TLE2: variants seen among roughly 807,000 people sequenced by gnomAD.
TLE2 encodes transducin-like enhancer protein 2.
In TLE2, 74 loss-of-function variants were observed where a neutral mutation model predicts 97.2. That is an observed-to-expected ratio of 0.76 (90% CI 0.63 to 0.92). The LOEUF is 0.92. TLE2 is among the 40% of genes least tolerant of loss of function. The probability of loss-of-function intolerance (pLI) is 0.00; values close to 1 mark genes in which losing one functional copy is unlikely to be tolerated. For synonymous variants in TLE2, 499 were observed against 432.1 expected (o/e 1.15, Z -1.92); for missense variants, 1,038 against 1,008.7 (o/e 1.03, Z -0.39).
intron 12 of TLE2, 107 bp downstream of exon 12, chr19:3,010,915 G>T: frequency 1.4e-6 from 2 of 1,440,490 alleles, no homozygotes; most frequent in Non-Finnish European, 1.9e-6. Context: ...CCAAGGCAAT[G>T]AACACCAAGC....
In TLE2 at chr19:3,006,609, A is replaced by C. The variant is rs965679808; in HGVS notation, c.1311T>G (p.Asp437Glu). ...GQMQPVPFPS[D>E]ALVGAGIPRH... ...GCGGGATGCCCGCGCCTACCAGTGC[A>C]TCCGAGGGGAAGGGAACCGGCTGCA... The change falls in exon 15 of 20, where the codon GAT becomes GAG. Residue 437 changes from aspartate (D) to glutamate (E), a missense_variant. Coordinates refer to ENST00000262953, the MANE Select transcript of TLE2 (RefSeq NM_003260.5). 7 of 1,610,520 alleles carry C rather than the reference A, an allele frequency of 4.3e-6. No individual in the cohort carries two copies. In the African/African-American group the frequency reaches 5.3e-5, roughly 12 times the overall value.
intron 1 of TLE2, among the ~76,000 whole-genome samples, chr19:3,042,409 GGGGGCCT>G: frequency 1.4e-5 from 1 of 70,426 alleles, no homozygotes; most frequent in African/African-American, 9.1e-5. Context: ...GGAGGGGTAA[GGGGGCCT>G]GGGAGGACGG....
chr19:2,998,016 G>A, intron 19 of TLE2, 61 bp from the exon 20 acceptor site: 4 of 1,273,440 alleles, frequency 3.1e-6, no homozygotes, highest in Non-Finnish European at 4.5e-6. Flanking sequence ...AGATGGGTGT[G>A]TGGGCAAGGC....
rs2089486956 is a variant in TLE2, at chr19:3,006,687, G to A, written c.1251-18C>T. The A allele has an allele frequency of 1.9e-6, 3 of 1,571,326 alleles. No homozygotes were observed. The highest frequency in any genetic ancestry group is 2.7e-5 in the African/African-American group (2 of 74,526). On this transcript the variant is annotated intron_variant, in intron 14 of 19. Coordinates refer to ENST00000262953, the MANE Select transcript of TLE2 (RefSeq NM_003260.5). ...AGTAGGCCCTGGAGAGAAAGCCGGG[G>A]CATGACCCAGCCCTGGGCACCACGC...
At chr19:3,002,899 G>A (rs373172) in intron 17 of TLE2, among the ~76,000 whole-genome samples, 16,600 of 151,930 alleles carry the variant, frequency 0.11, 1,501 homozygotes, top group African/African-American at 0.25. Context: ...GCGTTTCACC[G>A]TATTGGCCAG....
intron 10 of TLE2, among the ~76,000 whole-genome samples, 172 bp from the exon 11 acceptor site, chr19:3,013,990 T>A (rs898628573): frequency 1.1e-3 from 40 of 35,318 alleles, no homozygotes; most frequent in Non-Finnish European, 3.1e-3. Flanking sequence ...TAAAATGTAT[T>A]TTTTTTTTTT....
At chr19:3,040,312 G>A (rs112319958) in intron 1 of TLE2, among the ~76,000 whole-genome samples, 2 of 152,000 alleles carry the variant, frequency 1.3e-5, no homozygotes, top group South Asian at 2.1e-4. Context: ...ACCCCTGGCC[G>A]CATGGCCCAA....
rs563660020 is a variant in TLE2, at chr19:3,016,310, T to G, written c.571-550A>C. Among the ~76,000 whole-genome samples, 4 of 145,086 alleles carry G rather than the reference T, an allele frequency of 2.8e-5. No individual in the cohort carries two copies. In the Admixed American group the frequency reaches 2.8e-4, roughly 10 times the overall value. On this transcript the variant is annotated intron_variant, in intron 8 of 19. Transcript: ENST00000262953. Reference sequence around the variant, plus strand: ...AACCATTTTGGCCGGGCGCAGTGGCTCACGCCTATAATCCCAGCACTTTGG... The same window carrying G: ...AACCATTTTGGCCGGGCGCAGTGGCGCACGCCTATAATCCCAGCACTTTGG...
rs933179604 is a variant in TLE2 at position 3,009,718 on chromosome 19, C to G, written c.1013-16G>C. 1.9e-5 allele frequency: 30 copies of G among 1,600,838 alleles called. No homozygotes were observed. Among genetic ancestry groups the G allele is most frequent in the Non-Finnish European group, 2.5e-5 (29 of 1,174,786 alleles). ...CTCCTCAGGGCTGAGACGGAAGAGT[C>G]GGGGACAGGTTTTGACGCCCTGGAC... is the stretch of plus-strand genomic sequence containing the variant. On this transcript the variant is annotated splice_polypyrimidine_tract_variant and intron_variant, in intron 12 of 19. Coordinates refer to ENST00000262953, the MANE Select transcript of TLE2 (RefSeq NM_003260.5).
rs774923295 is a variant in TLE2 at position 3,019,299 on chromosome 19, C to G, written c.534G>C (p.Glu178Asp). The G allele has an allele frequency of 5.1e-6, 8 of 1,577,528 alleles. No individual in the cohort carries two copies. The highest frequency in any genetic ancestry group is 6.8e-6 in the Non-Finnish European group (8 of 1,170,142). Residue 178 changes from glutamate (E) to aspartate (D), a missense_variant, in exon 7 of 20, where the codon GAG becomes GAC. Transcript: ENST00000262953. This position sits in a 1 kb window ranked among gnomAD's most constrained non-coding sequence, Gnocchi z 5.1. ...CCCACTCACCTCTGGACCCCTCGGCCTCCACGCCCGCACGGTCCTCCTTGA... is the reference window on the plus strand; with the variant it reads ...CCCACTCACCTCTGGACCCCTCGGCGTCCACGCCCGCACGGTCCTCCTTGA... ...AAVKEDRAGV[E>D]AEGSRVERAP...
upstream of TLE2, chr19:3,045,807 AC>A (rs2090137353): frequency 2.5e-6 from 1 of 407,256 alleles, no homozygotes; most frequent in East Asian, 7.6e-5. Context: ...AGCCTGGGCA[AC>A]AAGAGTGAAA....
In TLE2 at chr19:3,013,730, C is replaced by T; in HGVS notation, c.812G>A (p.Ser271Asn). 6.4e-7 allele frequency: 1 copy of T among 1,558,298 alleles called. No homozygotes were observed. Among genetic ancestry groups the T allele is most frequent in the Non-Finnish European group, 8.7e-7 (1 of 1,154,458 alleles). ...AAGGCTAGAGGCCAAGGAGGCTGGA[C>T]TGTCCACCAGGTCCCGACGGGCAGG... is the stretch of plus-strand genomic sequence containing the variant. ...CIPARRDLVD[S>N]PASLASSLGS... is the part of the protein sequence containing the mutation. The change falls in exon 11 of 20, where the codon AGT becomes AAT. Residue 271 changes from serine to asparagine, a missense_variant. Transcript: ENST00000262953.
intron 11 of TLE2, 63 bp from the exon 12 acceptor site, chr19:3,011,223 G>A (rs886934061): frequency 2.0e-6 from 3 of 1,489,978 alleles, no homozygotes; most frequent in Middle Eastern, 3.9e-4. Flanking sequence ...CCAACGATCT[G>A]ATCAGAAACT....
intron 8 of TLE2, chr19:3,015,998 G>A (rs2089695423): frequency 3.3e-6 from 2 of 606,534 alleles, no homozygotes; most frequent in Non-Finnish European, 6.2e-6. Flanking sequence ...GTGCAGTGGA[G>A]CCATCTCGGC....
chr19:2,999,753 C>A, intron 19 of TLE2, among the ~76,000 whole-genome samples: 1 of 145,124 alleles, frequency 6.9e-6, no homozygotes, highest in African/African-American at 2.6e-5. Context: ...AGAAAAACAG[C>A]TGGGCGCAGT....
At chr19:3,005,394 T>C in intron 17 of TLE2, 43 bp downstream of exon 17, 1 of 1,605,028 alleles carries the variant, frequency 6.2e-7, no homozygotes, top group Non-Finnish European at 8.5e-7. Flanking sequence ...GGATGCTGTA[T>C]TCCTAGAGCT....
chr19:3,021,813 T>A (rs1258959648), intron 5 of TLE2, among the ~76,000 whole-genome samples: 1 of 152,060 alleles, frequency 6.6e-6, no homozygotes, highest in Admixed American at 6.6e-5. Context: ...GAACTCCTGA[T>A]CTCAAGTGAT....
intron 1 of TLE2, among the ~76,000 whole-genome samples, chr19:3,043,271 A>G (rs1429443509): frequency 6.7e-6 from 1 of 149,480 alleles, no homozygotes; most frequent in Non-Finnish European, 1.5e-5. Flanking sequence ...GTACACTACC[A>G]TGCCCGGCCT....
intron 7 of TLE2, 27 bp from the exon 8 acceptor site, chr19:3,017,886 G>A (rs767071289): frequency 1.2e-6 from 2 of 1,609,346 alleles, no homozygotes; most frequent in South Asian, 2.2e-5. Context: ...GGGATAAAGA[G>A]AAAGAAGGAG....
Sources: gnomAD v4.1 joint callset for allele counts (sites outside exome capture counted in the v4.1 genomes callset) on GRCh38, gnomAD v4.1.1 for gene constraint, Gnocchi (gnomAD v3.1) non-coding constraint, MANE v1.5 for transcripts, NCBI Gene and HGNC (gene_info 2026-07-23, HGNC 2026-07-21) for gene names.